The following GPR107 variants were observed in gnomAD, a reference collection of about 807,000 sequenced individuals.
The protein encoded by GPR107 is protein GPR107.
In GPR107, 31 loss-of-function variants were observed where a neutral mutation model predicts 75.5. That is an observed-to-expected ratio of 0.41 (90% CI 0.31 to 0.55). GPR107 has a LOEUF of 0.55. Ranked by LOEUF, GPR107 falls within the 20% of genes least tolerant of loss-of-function variation. The pLI, the probability that GPR107 is intolerant of heterozygous loss-of-function variation, is 0.26. For missense variants in GPR107, 572 were observed against 665.7 expected (o/e 0.86, Z 1.55); for synonymous variants, 267 against 251.3 (o/e 1.06, Z -0.59).
chr9:130,078,135 A>G (rs1410487780), intron 4 of GPR107, among the ~76,000 whole-genome samples: 1 of 151,824 alleles, frequency 6.6e-6, no homozygotes, highest in Non-Finnish European at 1.5e-5. Context: ...ACTGCACTCC[A>G]GCCTGGGTGA....
At chr9:130,082,327 A>T (rs546968051) in intron 5 of GPR107, among the ~76,000 whole-genome samples, 1 of 152,348 alleles carries the variant, frequency 6.6e-6, no homozygotes, top group African/African-American at 2.4e-5. Context: ...GCAATGGTGT[A>T]GGTTAATGCC....
intron 14 of GPR107, among the ~76,000 whole-genome samples, chr9:130,123,107 TG>T (rs1363565575): frequency 1.3e-5 from 2 of 152,200 alleles, no homozygotes; most frequent in Admixed American, 6.5e-5. Flanking sequence ...TGCAGTGGCA[TG>T]ATTTCAGCTT....
At chr9:130,055,998 A>G (rs960424425) in intron 1 of GPR107, among the ~76,000 whole-genome samples, 16 of 140,842 alleles carry the variant, frequency 1.1e-4, no homozygotes, top group Non-Finnish European at 2.1e-4. Context: ...GATCCATACA[A>G]CCTTACTTTT....
At chr9:130,066,801 C>T (rs1363988479) in intron 1 of GPR107, among the ~76,000 whole-genome samples, 2 of 151,932 alleles carry the variant, frequency 1.3e-5, no homozygotes, top group Admixed American at 1.3e-4. Flanking sequence ...CTGGCTAACA[C>T]GATGAAACCC....
intron 14 of GPR107, among the ~76,000 whole-genome samples, chr9:130,117,558 G>C (rs576491181): frequency 3.9e-5 from 6 of 152,264 alleles, no homozygotes; most frequent in Admixed American, 6.5e-5. Flanking sequence ...GACCACAAAC[G>C]GGGGAGCTCC....
intron 16 of GPR107, 32 bp from the exon 17 acceptor site, chr9:130,128,608 T>G: frequency 6.3e-7 from 1 of 1,586,656 alleles, no homozygotes; most frequent in Non-Finnish European, 8.7e-7. Flanking sequence ...GTTGCTAATC[T>G]CTTTATTTTG....
At chr9:130,089,927 T>C (rs368344054) in intron 7 of GPR107, among the ~76,000 whole-genome samples, 1 of 152,268 alleles carries the variant, frequency 6.6e-6, no homozygotes, top group East Asian at 1.9e-4. Flanking sequence ...GAAGCACTTA[T>C]ATTGAGTTTT....
intron 14 of GPR107, 148 bp downstream of exon 14, chr9:130,107,687 G>C: frequency 2.9e-6 from 2 of 700,084 alleles, no homozygotes; most frequent in Non-Finnish European, 5.3e-6. Flanking sequence ...CACTTCGTGA[G>C]AGCAGCCAGG....
intron 14 of GPR107, among the ~76,000 whole-genome samples, chr9:130,109,867 C>G (rs966437098): frequency 4.6e-5 from 7 of 152,258 alleles, no homozygotes; most frequent in African/African-American, 1.7e-4. Flanking sequence ...CCGCGCCCGG[C>G]TAGGCTTTTT....
intron 1 of GPR107, among the ~76,000 whole-genome samples, chr9:130,063,597 C>G (rs943804669): frequency 6.6e-6 from 1 of 152,090 alleles, no homozygotes; most frequent in Non-Finnish European, 1.5e-5. Flanking sequence ...ATCAAACATG[C>G]CTTTTTTAGT....
rs762361273 is a variant in GPR107, at chr9:130,128,741, A to C, written c.1542A>C (p.Glu514Asp). The C allele has an allele frequency of 2.1e-5, 34 of 1,613,744 alleles. No individual in the cohort carries two copies. The highest frequency in any genetic ancestry group is 6.7e-5 in the African/African-American group (5 of 75,036). ...NPYLQLSQEE[E>D]DLEMESVVTT... Reference sequence around the variant, plus strand: ...ACCTACAACTTTCTCAGGAAGAAGAAGACTTGGAAATGGAGTCCGTGTAAG... The same window carrying C: ...ACCTACAACTTTCTCAGGAAGAAGACGACTTGGAAATGGAGTCCGTGTAAG... The change falls in exon 17 of 18, where the codon GAA becomes GAC. Residue 514 changes from glutamate to aspartate, a missense_variant. Transcript: ENST00000347136.
At chr9:130,129,893 T>C (rs2132656970) in intron 17 of GPR107, 1 of 152,398 alleles carries the variant, frequency 6.6e-6, no homozygotes, top group South Asian at 2.1e-4. Context: ...TCGTCTCCTT[T>C]ACTGCATTGT....
chr9:130,086,177 CAG>C (rs1830610947), intron 6 of GPR107, among the ~76,000 whole-genome samples: 1 of 152,054 alleles, frequency 6.6e-6, no homozygotes, highest in South Asian at 2.1e-4. Context: ...AGATTCAAGG[CAG>C]GGGGTGGAGG....
chr9:130,105,323 G>A (rs1377916217), intron 13 of GPR107, among the ~76,000 whole-genome samples: 1 of 151,366 alleles, frequency 6.6e-6, no homozygotes, highest in African/African-American at 2.4e-5. Flanking sequence ...GCTCAATCTC[G>A]GCCCACTGCA....
intron 7 of GPR107, among the ~76,000 whole-genome samples, chr9:130,087,805 C>CAAAAAAA (rs35984705): frequency 2.3e-5 from 2 of 87,630 alleles, no homozygotes; most frequent in African/African-American, 9.0e-5. Flanking sequence ...GACCCTGTCT[C>CAAAAAAA]AAAAAAAAAA....
chr9:130,074,807 A>G (rs1015864173), intron 1 of GPR107, among the ~76,000 whole-genome samples: 4 of 151,908 alleles, frequency 2.6e-5, no homozygotes, highest in African/African-American at 7.3e-5. Context: ...TATCCTGCCA[A>G]TGGGAGGAGC....
chr9:130,079,580 G>T (rs1354700686), intron 4 of GPR107, 50 bp from the exon 5 acceptor site: 2 of 1,566,302 alleles, frequency 1.3e-6, no homozygotes, highest in African/African-American at 2.7e-5. Context: ...GTGCTCAGTG[G>T]CCAGGAGCAC....
chr9:130,134,147 T>G (rs1449625499), intron 17 of GPR107, among the ~76,000 whole-genome samples: 1 of 152,212 alleles, frequency 6.6e-6, no homozygotes, highest in Non-Finnish European at 1.5e-5. Flanking sequence ...GCAGGGAAGA[T>G]GCTGGGCCAA....
In GPR107 at chr9:130,078,829, C is replaced by T. The variant is rs190216737; in HGVS notation, c.387-801C>T. Among the ~76,000 whole-genome samples, 434 of 152,328 alleles carry T rather than the reference C, an allele frequency of 2.8e-3. 6 individuals carry two copies. Among genetic ancestry groups the T allele is most frequent in the African/African-American group, 0.01 (416 of 41,580 alleles). On this transcript the variant is annotated intron_variant, in intron 4 of 17. Transcript: ENST00000347136. ...TTGGGCATCCACTCAGTCATGGGAA[C>T]TGTCACTGGCCCCTCCTGGGTGGGA...
Sources: allele counts gnomAD v4.1 joint callset (sites outside exome capture counted in the v4.1 genomes callset), GRCh38; gene constraint gnomAD v4.1.1; transcripts MANE v1.5; gene names NCBI Gene and HGNC (gene_info 2026-07-23, HGNC 2026-07-21).